Variants in BMP5 observed in about 807,000 individuals in gnomAD.
The protein encoded by BMP5 is bone morphogenetic protein 5.
Under a neutral mutation model 46.6 loss-of-function variants are expected in BMP5, and 23 were observed. The observed-to-expected ratio is 0.49, with a 90% CI of 0.35 to 0.70. The LOEUF (loss-of-function observed/expected upper bound fraction) is 0.70. BMP5 is among the 30% of genes least tolerant of loss of function. The pLI, the probability that BMP5 is intolerant of heterozygous loss-of-function variation, is 0.00. For missense variants in BMP5, 545 were observed against 565.6 expected (o/e 0.96, Z 0.37); for synonymous variants, 204 against 191.9 (o/e 1.06, Z -0.52).
rs778989344 is a variant in BMP5 at position 55,874,476 on chromosome 6, A to C, written c.390T>G (p.Ser130=). ...PNGYPRRIQL[S]RTTPLTTQSP... is the part of the protein sequence containing the mutation. ...TCTGGGTGGTCAGAGGAGTCGTCCG[A>C]GATAACTGTATGCGACGAGGATACC... The change falls in exon 1 of 7, where the codon TCT becomes TCG. Residue 130 remains serine, a synonymous_variant. Transcript: ENST00000370830. 1.2e-6 allele frequency: 2 copies of C among 1,613,438 alleles called. No individual in the cohort carries two copies. The highest frequency in any genetic ancestry group is 2.2e-5 in the South Asian group (2 of 91,066).
At chr6:55,820,499 C>T (rs1482053137) in intron 1 of BMP5, among the ~76,000 whole-genome samples, 1 of 152,014 alleles carries the variant, frequency 6.6e-6, no homozygotes, top group Non-Finnish European at 1.5e-5. Flanking sequence ...CTCACTGACG[C>T]CTGGACCTCC....
At chr6:55,869,728 T>A (rs1002743775) in intron 1 of BMP5, among the ~76,000 whole-genome samples, 1 of 152,006 alleles carries the variant, frequency 6.6e-6, no homozygotes, top group African/African-American at 2.4e-5. Flanking sequence ...CAAAGAAGAA[T>A]GGGATGATGG....
chr6:55,808,200 GA>G (rs910152286), intron 2 of BMP5, among the ~76,000 whole-genome samples: 4 of 152,154 alleles, frequency 2.6e-5, no homozygotes, highest in African/African-American at 9.7e-5. Context: ...GCTCCTGCAG[GA>G]AGGCCCTGCC....
intron 1 of BMP5, among the ~76,000 whole-genome samples, chr6:55,864,729 A>G (rs552965556): frequency 1.3e-5 from 2 of 152,294 alleles, no homozygotes; most frequent in Admixed American, 6.5e-5. Context: ...ATGAAATATC[A>G]AAAATCAATG....
chr6:55,816,634 G>T (rs1776276915), intron 2 of BMP5, among the ~76,000 whole-genome samples: 1 of 152,104 alleles, frequency 6.6e-6, no homozygotes, highest in African/African-American at 2.4e-5. Context: ...AGGTCTTTCT[G>T]CCTTCAAATT....
chr6:55,849,753 A>T (rs1340784986), intron 1 of BMP5, among the ~76,000 whole-genome samples: 1 of 152,062 alleles, frequency 6.6e-6, no homozygotes, highest in African/African-American at 2.4e-5. Flanking sequence ...GAACACCCTC[A>T]CACCCTGCAT....
intron 1 of BMP5, among the ~76,000 whole-genome samples, chr6:55,826,752 A>C (rs1562057825): frequency 6.6e-6 from 1 of 151,836 alleles, no homozygotes; most frequent in African/African-American, 2.4e-5. Context: ...TATAATTAAT[A>C]AATTTTAATT....
intron 4 of BMP5, among the ~76,000 whole-genome samples, chr6:55,767,045 G>A (rs1774931814): frequency 6.6e-6 from 1 of 151,956 alleles, no homozygotes; most frequent in Non-Finnish European, 1.5e-5. Flanking sequence ...TTATTTATAA[G>A]AAATTATACC....
At chr6:55,802,219 C>G (rs1216297382) in intron 2 of BMP5, among the ~76,000 whole-genome samples, 1 of 152,192 alleles carries the variant, frequency 6.6e-6, no homozygotes, top group Non-Finnish European at 1.5e-5. Flanking sequence ...ACAATGCTAA[C>G]TCTAGTGTCC....
At chr6:55,815,282 T>C (rs1000261297) in intron 2 of BMP5, among the ~76,000 whole-genome samples, 1 of 151,730 alleles carries the variant, frequency 6.6e-6, no homozygotes, top group African/African-American at 2.4e-5. Flanking sequence ...CCCTAGAAGA[T>C]AAAGTAACAA....
chr6:55,847,324 A>G (rs750198427), intron 1 of BMP5, among the ~76,000 whole-genome samples: 3 of 151,836 alleles, frequency 2.0e-5, no homozygotes, highest in Non-Finnish European at 4.4e-5. Flanking sequence ...TGCTGTTTGT[A>G]ACGTGTCCTT....
chr6:55,818,139 A>G (rs1463926850), intron 2 of BMP5, among the ~76,000 whole-genome samples: 1 of 152,034 alleles, frequency 6.6e-6, no homozygotes, highest in Non-Finnish European at 1.5e-5. Flanking sequence ...ATATATTCAT[A>G]TATTGTCCAC....
At chr6:55,766,109 T>A (rs1439375096) in intron 4 of BMP5, among the ~76,000 whole-genome samples, 1 of 152,148 alleles carries the variant, frequency 6.6e-6, no homozygotes, top group Non-Finnish European at 1.5e-5. Context: ...AAAGCCTCAT[T>A]AGTTGATCAA....
At chr6:55,779,923 T>A (rs1775267512) in intron 3 of BMP5, among the ~76,000 whole-genome samples, 1 of 152,000 alleles carries the variant, frequency 6.6e-6, no homozygotes, top group Non-Finnish European at 1.5e-5. Flanking sequence ...AACTATTTTT[T>A]AAGTATTAAA....
chr6:55,759,313 C>G (rs545018311), intron 5 of BMP5, among the ~76,000 whole-genome samples, 198 bp from the exon 6 acceptor site: 79 of 151,554 alleles, frequency 5.2e-4, no homozygotes, highest in Non-Finnish European at 9.3e-4. Context: ...TCCCCACACC[C>G]TTTAATTTTA....
intron 1 of BMP5, among the ~76,000 whole-genome samples, chr6:55,832,434 G>T (rs1776688805): frequency 6.6e-6 from 1 of 152,076 alleles, no homozygotes; most frequent in Admixed American, 6.6e-5. Flanking sequence ...AAACTGTTAG[G>T]CAAATTAAGC....
At chr6:55,763,017 G>A (rs1418864900) in intron 4 of BMP5, among the ~76,000 whole-genome samples, 2 of 151,812 alleles carry the variant, frequency 1.3e-5, no homozygotes, top group Non-Finnish European at 2.9e-5. Flanking sequence ...TCTTTTCCAC[G>A]CAAACATTTT....
At chr6:55,830,133 C>A (rs1024905123) in intron 1 of BMP5, among the ~76,000 whole-genome samples, 1 of 151,908 alleles carries the variant, frequency 6.6e-6, no homozygotes, top group Admixed American at 6.6e-5. Flanking sequence ...CTCTTTATAG[C>A]ACATTATTAA....
At chr6:55,762,665 C>T (rs1774815238) in intron 4 of BMP5, among the ~76,000 whole-genome samples, 1 of 151,964 alleles carries the variant, frequency 6.6e-6, no homozygotes, top group Non-Finnish European at 1.5e-5. Context: ...TTTCCTCGAT[C>T]GTGTTTAGAA....
Sources: gnomAD v4.1 joint callset for allele counts (sites outside exome capture counted in the v4.1 genomes callset) on GRCh38, gnomAD v4.1.1 for gene constraint, MANE v1.5 for transcripts, NCBI Gene and HGNC (gene_info 2026-07-23, HGNC 2026-07-21) for gene names.